The following SPSB3 variants were observed in gnomAD, a reference collection of about 807,000 sequenced individuals.
SPSB3 encodes splA/ryanodine receptor domain and SOCS box containing 3.
SPSB3 carries 18 observed loss-of-function variants against 29.5 expected under a neutral mutation model. The ratio of observed to expected loss-of-function variants is 0.61; its 90% CI spans 0.42 to 0.91. The LOEUF is 0.91. Ranked by LOEUF, SPSB3 falls within the 40% of genes least tolerant of loss-of-function variation. SPSB3 has a pLI of 0.00. For synonymous variants in SPSB3, 299 were observed against 214.1 expected (o/e 1.40, Z -3.46); for missense variants, 540 against 507.5 (o/e 1.06, Z -0.61).
At position 1,778,486 on chromosome 16, in the gene SPSB3, G is replaced by C. The variant is rs2042747925; in HGVS notation, c.253C>G (p.Leu85Val). The change falls in exon 3 of 7, where the codon CTG becomes GTG. Residue 85 changes from leucine to valine, a missense_variant. Transcript: ENST00000566339. ...TCCCTGCCCCGGTGGGCCGAGTGCA[G>C]GCTGCTACAGAAGGAGGCCTCGCTC... ...GQSEASFCSS[L>V]HSAHRGRDCR... 1.9e-6 allele frequency: 3 copies of C among 1,611,776 alleles called. No individual in the cohort carries two copies. Among genetic ancestry groups the C allele is most frequent in the Non-Finnish European group, 2.5e-6 (3 of 1,179,568 alleles).
chr16:1,778,122 G>A lies in SPSB3; in HGVS notation c.492+12C>T, dbSNP rs576953359. 46 of 1,612,778 alleles carry A rather than the reference G, an allele frequency of 2.9e-5. 1 individual carries two copies. The highest frequency in any genetic ancestry group is 2.4e-4 in the African/African-American group (18 of 75,040). On this transcript the variant is annotated intron_variant, in intron 4 of 6. Transcript: ENST00000566339. ...AGGTTCCCCAGAAGCACCCTGGGCC[G>A]AAGCAACTTACCATGTCGGTGCCGT...
chr16:1,777,776 A>G lies in SPSB3; in HGVS notation c.692T>C (p.Leu231Pro). The change falls in exon 6 of 7, where the codon CTC becomes CCC. Residue 231 changes from leucine to proline, a missense_variant. Transcript: ENST00000566339. ...GVHLDTWHGT[L>P]TFFKNRKCIG... ...ACACTTCCTGTTCTTGAAAAAGGTG[A>G]GTGTGCCGTGCCAGGTGTCCAGGTG... The G allele has an allele frequency of 1.2e-6, 2 of 1,612,700 alleles. No individual in the cohort carries two copies. The highest frequency in any genetic ancestry group is 1.7e-6 in the Non-Finnish European group (2 of 1,179,900).
chr16:1,778,726 C>T lies in SPSB3; in HGVS notation c.127-114G>A, dbSNP rs1021245444. The T allele has an allele frequency of 3.3e-6, 4 of 1,200,030 alleles. No individual in the cohort carries two copies. The African/African-American group carries it at 6.1e-5, about 18-fold the overall frequency. 74.3% of individuals were successfully genotyped at this position (1,200,030 alleles called of 1,614,324 possible). ...ACCCACCCAGGAAAGGATGGGGGTC[C>T]AGGCCTCCAGGGACTTCACAGTACC... On this transcript the variant is annotated intron_variant, in intron 2 of 6. Transcript: ENST00000566339.
chr16:1,778,673 C>T lies in SPSB3; in HGVS notation c.127-61G>A, dbSNP rs1027617624. ...CCGCTCTCTACCCTCTCACCCTTGCCCTCTGTCCCTGTCCCACCCTGTCCC... is the reference window on the plus strand; with the variant it reads ...CCGCTCTCTACCCTCTCACCCTTGCTCTCTGTCCCTGTCCCACCCTGTCCC... On this transcript the variant is annotated intron_variant, in intron 2 of 6. Transcript: ENST00000566339. The T allele has an allele frequency of 2.7e-5, 41 of 1,499,062 alleles. No homozygotes were observed. The South Asian group carries it at 3.8e-4, about 14-fold the overall frequency. The allele number at this position is 1,499,062 out of a possible 1,614,324, so 92.9% of individuals were successfully genotyped here. A position where few individuals can be genotyped will look rare whatever the true frequency, so the allele number is the denominator to read the frequency against.
In SPSB3 at chr16:1,777,930, C is replaced by G; in HGVS notation, c.595+16G>C. 1 of 1,612,474 alleles carries G rather than the reference C, an allele frequency of 6.2e-7. No homozygotes were observed. The highest frequency in any genetic ancestry group is 8.5e-7 in the Non-Finnish European group (1 of 1,179,860). ...AGCTCCAGGCTCGGCCCCGCCCCAC[C>G]CTGGGCCTCACGCACCCGTGTAGGA... On this transcript the variant is annotated intron_variant, in intron 5 of 6. Coordinates refer to ENST00000566339, the MANE Select transcript of SPSB3 (RefSeq NM_080861.4).
chr16:1,781,317 A>G (rs937598431), intron 2 of SPSB3, 41 bp downstream of exon 2: 2 of 1,612,460 alleles, frequency 1.2e-6, no homozygotes, highest in East Asian at 4.5e-5. Context: ...GCATCTCCAC[A>G]CCTTAGGCCA....
chr16:1,778,668 C>G (rs2042751300), intron 2 of SPSB3, 56 bp from the exon 3 acceptor site: 4 of 1,503,848 alleles, frequency 2.7e-6, no homozygotes, highest in South Asian at 2.6e-5. Context: ...CCCTCTCACC[C>G]TTGCCCTCTG....
chr16:1,778,265 C>T lies in SPSB3; in HGVS notation c.361G>A (p.Asp121Asn), dbSNP rs575732450. The change falls in exon 4 of 7, where the codon GAC becomes AAC. Residue 121 changes from aspartate (D) to asparagine (N), a missense_variant. Physicochemically the swap from Asp to Asn is conservative, Grantham distance 23. Coordinates refer to ENST00000566339, the MANE Select transcript of SPSB3 (RefSeq NM_080861.4). ...NKSSATLLSC[D>N]NRKVSFHMEY... ...ATGTGGAAGCTGACCTTACGGTTGT[C>T]ACAGCTCAGCAGGGTGGCTGATGAC... 2 of 1,612,884 alleles carry T rather than the reference C, an allele frequency of 1.2e-6. No homozygotes were observed. Among genetic ancestry groups the T allele is most frequent in the Non-Finnish European group, 1.7e-6 (2 of 1,180,006 alleles).
At chr16:1,778,377 GC>G in intron 3 of SPSB3, 56 bp from the exon 4 acceptor site, 1 of 1,607,870 alleles carries the variant, frequency 6.2e-7, no homozygotes, top group Non-Finnish European at 8.5e-7. Flanking sequence ...GCTCTGCCCT[GC>G]CCACCCCCAG....
intron 1 of SPSB3, chr16:1,781,971 CA>C (rs1283954340): frequency 1.1e-5 from 2 of 186,596 alleles, no homozygotes; most frequent in African/African-American, 4.8e-5. Context: ...CTGGGCCGCG[CA>C]GCTCGCCTTC....
chr16:1,777,547 A>C, intron 6 of SPSB3, 104 bp from the exon 7 acceptor site: 1 of 1,364,294 alleles, frequency 7.3e-7, no homozygotes, highest in Admixed American at 2.7e-5. Context: ...GGCAGCTGGC[A>C]CAGCTGAGGC....
In SPSB3 at chr16:1,776,777, T is replaced by G. The variant is rs1487117374; in HGVS notation, c.*320A>C. The G allele has an allele frequency of 2.2e-6, 1 of 452,506 alleles. No individual in the cohort carries two copies. The highest frequency in any genetic ancestry group is 2.0e-5 in the African/African-American group (1 of 50,474). 28.0% of individuals were successfully genotyped at this position (452,506 alleles called of 1,614,324 possible). On this transcript the variant is annotated 3_prime_UTR_variant, in exon 7 of 7. Coordinates refer to ENST00000566339, the MANE Select transcript of SPSB3 (RefSeq NM_080861.4). ...AAGTCTATGACGGCGGGGCAGCCGC[T>G]GACAGCATGCAGAGCAAGTTAGGAA...
At chr16:1,781,104 G>A (rs937377554) in intron 2 of SPSB3, 109 of 1,386,598 alleles carry the variant, frequency 7.9e-5, no homozygotes, top group African/African-American at 7.1e-5. Context: ...GTGTTTCAGA[G>A]GAGAAAGCAC....
At chr16:1,781,088 C>T (rs1380867611) in intron 2 of SPSB3, 1 of 1,280,560 alleles carries the variant, frequency 7.8e-7, no homozygotes, top group Non-Finnish European at 1.1e-6. Flanking sequence ...CCTCTCCATG[C>T]ACCATGTGTT....
chr16:1,778,690 C>A (rs1005121638), intron 2 of SPSB3, 78 bp from the exon 3 acceptor site: 2 of 1,467,942 alleles, frequency 1.4e-6, no homozygotes, highest in Non-Finnish European at 9.0e-7. Context: ...CCCTGTCCCA[C>A]CCTGTCCCTG....
chr16:1,777,395 C>G lies in SPSB3; in HGVS notation c.770G>C (p.Cys257Ser). The G allele has an allele frequency of 2.5e-6, 4 of 1,587,314 alleles. No individual in the cohort carries two copies. The highest frequency in any genetic ancestry group is 3.4e-6 in the Non-Finnish European group (4 of 1,169,718). Residue 257 changes from cysteine to serine, a missense_variant, in exon 7 of 7, where the codon TGC (cysteine) becomes TCC (serine). Physicochemically the swap from Cys to Ser is moderately radical, Grantham distance 112. Coordinates refer to ENST00000566339, the MANE Select transcript of SPSB3 (RefSeq NM_080861.4). ...CATGCTGCTCCGGGCCGCCGTGGAG[C>G]ACACCATCGGGTAGAATCTCTTGTT... ...LQNKRFYPMVCSTAARSSMKV... is the reference protein window; with the variant it reads ...LQNKRFYPMVSSTAARSSMKV...
intron 2 of SPSB3, chr16:1,779,264 G>A (rs1192024711): frequency 6.6e-6 from 1 of 152,446 alleles, no homozygotes; most frequent in Non-Finnish European, 1.5e-5. Flanking sequence ...TGAGCTCCTT[G>A]TGGGAGGCAG....
chr16:1,776,720 A>AC lies in SPSB3; in HGVS notation c.*376_*377insG. ...TTTCAGCTCACGCCATGTGGGTGTT[A>AC]GACATCAACTCTACATTTATTGCAG... On this transcript the variant is annotated 3_prime_UTR_variant, in exon 7 of 7. Coordinates refer to ENST00000566339, the MANE Select transcript of SPSB3 (RefSeq NM_080861.4). 3.1e-6 allele frequency: 1 copy of AC among 323,176 alleles called. No individual in the cohort carries two copies. 20.0% of individuals were successfully genotyped at this position (323,176 alleles called of 1,614,324 possible). A position where few individuals can be genotyped will look rare whatever the true frequency, so the allele number is the denominator to read the frequency against.
chr16:1,777,664 TCA>T, intron 6 of SPSB3, 81 bp downstream of exon 6: 2 of 1,571,146 alleles, frequency 1.3e-6, no homozygotes, highest in South Asian at 1.2e-5. Context: ...TCAGAAAACC[TCA>T]GTGTCCCCTG....
Sources: allele counts gnomAD v4.1 joint callset, GRCh38; gene constraint gnomAD v4.1.1; transcripts MANE v1.5; gene names NCBI Gene and HGNC (gene_info 2026-07-23, HGNC 2026-07-21).